Variants in NXN observed in about 807,000 individuals in gnomAD.
The protein encoded by NXN is nucleoredoxin 1.
A neutral mutation model predicts 48.6 loss-of-function variants in NXN; 16 were observed. The observed-to-expected ratio is 0.33, with a 90% CI of 0.22 to 0.50. The LOEUF (loss-of-function observed/expected upper bound fraction) is 0.50. NXN is among the 20% of genes least tolerant of loss of function. NXN has a pLI of 0.98. For synonymous variants in NXN, 281 were observed against 269.6 expected (o/e 1.04, Z -0.41); for missense variants, 492 against 605.5 (o/e 0.81, Z 1.97).
At chr17:843,606 A>G (rs907181353) in intron 1 of NXN, among the ~76,000 whole-genome samples, 7 of 152,136 alleles carry the variant, frequency 4.6e-5, no homozygotes, top group Non-Finnish European at 7.3e-5. Context: ...TTTGCATAGG[A>G]GGGGGAGTGA....
At chr17:850,918 G>A (rs922850499) in intron 1 of NXN, among the ~76,000 whole-genome samples, 12 of 152,134 alleles carry the variant, frequency 7.9e-5, no homozygotes, top group Non-Finnish European at 1.8e-4. Flanking sequence ...TTTCTGAGGC[G>A]GCAACGAGAC....
chr17:943,124 C>T (rs1202358721), intron 1 of NXN, among the ~76,000 whole-genome samples: 2 of 152,232 alleles, frequency 1.3e-5, no homozygotes, highest in Non-Finnish European at 2.9e-5. Flanking sequence ...CATACTTCAT[C>T]GTTTTAAAAT....
chr17:843,049 AAAGAAAGAAGGAAGAAAGCAAGCAAGC>A (rs1914461401), intron 1 of NXN, among the ~76,000 whole-genome samples: 4 of 130,200 alleles, frequency 3.1e-5, no homozygotes, highest in Admixed American at 2.2e-4. Context: ...AGAAAGAAAG[AAAGAAAGAAGGAAGAAAGCAAGCAAGC>A]AAGCTGCACC....
chr17:940,353 T>C (rs768464846), intron 1 of NXN, among the ~76,000 whole-genome samples: 5 of 151,976 alleles, frequency 3.3e-5, no homozygotes, highest in African/African-American at 4.8e-5. Flanking sequence ...CTCTGTCTCC[T>C]TAAGCGCTGG....
At chr17:923,551 A>C (rs986289283) in intron 1 of NXN, among the ~76,000 whole-genome samples, 1 of 152,218 alleles carries the variant, frequency 6.6e-6, no homozygotes, top group African/African-American at 2.4e-5. Flanking sequence ...TAATTTTAAA[A>C]TAAAGGCCAT....
chr17:912,521 A>C (rs968688744), intron 1 of NXN, among the ~76,000 whole-genome samples: 1 of 152,112 alleles, frequency 6.6e-6, no homozygotes, highest in African/African-American at 2.4e-5. Context: ...TGCCAGTTTA[A>C]TAATCACATA....
chr17:927,288 A>T (rs976609687), intron 1 of NXN, among the ~76,000 whole-genome samples: 1 of 150,546 alleles, frequency 6.6e-6, no homozygotes, highest in African/African-American at 2.4e-5. Context: ...AAAAAAAAGA[A>T]AAAAGAAAAG....
At chr17:832,954 G>A (rs1046573961) in intron 1 of NXN, among the ~76,000 whole-genome samples, 5 of 152,056 alleles carry the variant, frequency 3.3e-5, no homozygotes, top group Non-Finnish European at 5.9e-5. Flanking sequence ...GCAGTGGCGC[G>A]ATCTCAGTTC....
chr17:917,775 G>A lies in NXN; in HGVS notation c.360+61544C>T, dbSNP rs995878614. Among the ~76,000 whole-genome samples, 5 of 152,088 alleles carry A rather than the reference G, an allele frequency of 3.3e-5. No individual in the cohort carries two copies. The highest frequency in any genetic ancestry group is 2.9e-5 in the Non-Finnish European group (2 of 68,018). On this transcript the variant is annotated intron_variant, in intron 1 of 7. Coordinates refer to ENST00000336868, the MANE Select transcript of NXN (RefSeq NM_022463.5). The surrounding 1 kb of genome is among the most constrained non-coding windows in gnomAD (Gnocchi z 4.5). ...GGCACAACAGGCGGGCGTGGCTCTC[G>A]CTCCCCAGGAAGGCCTCGCAGAGGT...
At chr17:882,303 A>G (rs537239676) in intron 1 of NXN, among the ~76,000 whole-genome samples, 1 of 150,512 alleles carries the variant, frequency 6.6e-6, no homozygotes, top group African/African-American at 2.5e-5. Flanking sequence ...GGAACCAACT[A>G]CCCTCCACCC....
In NXN at chr17:978,044, A is replaced by G. The variant is rs2069482170; in HGVS notation, c.360+1275T>C. 6.6e-6 allele frequency among the ~76,000 whole-genome samples: 1 copy of G among 152,204 alleles called. No individual in the cohort carries two copies. Among genetic ancestry groups the G allele is most frequent in the Admixed American group, 6.5e-5 (1 of 15,280 alleles). ...TGCTTCGGGATGGATGATTTACTCA[A>G]GACATTTGGGGTCACAGTGTAAGCC... On this transcript the variant is annotated intron_variant, in intron 1 of 7. Transcript: ENST00000336868. The surrounding 1 kb of genome is among the most constrained non-coding windows in gnomAD (Gnocchi z 4.1).
chr17:941,777 T>C (rs373466592), intron 1 of NXN, among the ~76,000 whole-genome samples: 115 of 42,478 alleles, frequency 2.7e-3, no homozygotes, highest in East Asian at 6.0e-3. Context: ...GATTCCAGGG[T>C]GCAGCCATGA....
intron 1 of NXN, among the ~76,000 whole-genome samples, chr17:927,580 CAAAAAAAAA>C (rs71371593): frequency 0.12 from 14,239 of 117,658 alleles, 855 homozygotes; most frequent in Middle Eastern, 0.21. Flanking sequence ...AACCTTGTCT[CAAAAAAAAA>C]AAAAAAAAAA....
intron 1 of NXN, among the ~76,000 whole-genome samples, chr17:908,578 T>C (rs2068602714): frequency 6.6e-6 from 1 of 152,088 alleles, no homozygotes; most frequent in Non-Finnish European, 1.5e-5. Flanking sequence ...TCTACTTTTT[T>C]GGACCGAAGC....
intron 1 of NXN, among the ~76,000 whole-genome samples, chr17:943,560 G>A (rs10468611): frequency 0.56 from 85,499 of 151,986 alleles, 24,794 homozygotes; most frequent in East Asian, 0.87. Flanking sequence ...AGTGGCTCAC[G>A]CCTGTAATCC....
chr17:826,821 G>C (rs1019856360), intron 1 of NXN, among the ~76,000 whole-genome samples: 5 of 152,188 alleles, frequency 3.3e-5, no homozygotes, highest in African/African-American at 1.2e-4. Context: ...ACACGCTTCA[G>C]TCTACTGTCA....
intron 1 of NXN, among the ~76,000 whole-genome samples, chr17:841,523 C>T (rs67671644): frequency 0.11 from 1,809 of 15,930 alleles, 171 homozygotes; most frequent in African/African-American, 0.32. Context: ...GAGCAGGTCC[C>T]CCCGACCATG....
At chr17:925,919 C>G (rs912672798) in intron 1 of NXN, among the ~76,000 whole-genome samples, 1 of 152,220 alleles carries the variant, frequency 6.6e-6, no homozygotes, top group African/African-American at 2.4e-5. Flanking sequence ...CTTTCTCTGG[C>G]TAAGAGCTAT....
At chr17:961,137 T>C (rs1169870236) in intron 1 of NXN, among the ~76,000 whole-genome samples, 2 of 150,954 alleles carry the variant, frequency 1.3e-5, no homozygotes, top group Non-Finnish European at 3.0e-5. Context: ...CTCATGCCTG[T>C]AATCCCAGCA....
Sources: gnomAD v4.1 joint callset for allele counts (sites outside exome capture counted in the v4.1 genomes callset) on GRCh38, gnomAD v4.1.1 for gene constraint, Gnocchi (gnomAD v3.1) non-coding constraint, MANE v1.5 for transcripts, NCBI Gene and HGNC (gene_info 2026-07-23, HGNC 2026-07-21) for gene names.